GPC5: variants seen among roughly 807,000 people sequenced by gnomAD.
GPC5 encodes the protein glypican 5, also known as glypican-5.
GPC5 carries 47 observed loss-of-function variants against 53.9 expected under a neutral mutation model. That is an observed-to-expected ratio of 0.87 (90% CI 0.69 to 1.11). GPC5 has a LOEUF of 1.11. Ranked by LOEUF, GPC5 falls within the 50% of genes most tolerant of loss-of-function variation. The probability of loss-of-function intolerance (pLI) is 0.00; values close to 1 mark genes in which losing one functional copy is unlikely to be tolerated. For missense variants in GPC5, 748 were observed against 713.1 expected, an observed-to-expected ratio of 1.05 and a Z score of -0.56; for synonymous variants, 286 against 263.3, an observed-to-expected ratio of 1.09 and a Z score of -0.84.
chr13:91,823,044 C>G (rs1468491702), intron 5 of GPC5, among the ~76,000 whole-genome samples: 1 of 151,870 alleles, frequency 6.6e-6, no homozygotes, highest in African/African-American at 2.4e-5. Flanking sequence ...ATCTACTAAA[C>G]CAATGTAGAG....
At chr13:91,597,295 A>G (rs2033029275) in intron 2 of GPC5, among the ~76,000 whole-genome samples, 1 of 152,210 alleles carries the variant, frequency 6.6e-6, no homozygotes, top group Non-Finnish European at 1.5e-5. Context: ...AGTTTTCGTT[A>G]GTATAATTAA....
intron 2 of GPC5, among the ~76,000 whole-genome samples, chr13:91,586,539 T>C (rs1486262936): frequency 7.5e-5 from 3 of 40,210 alleles, no homozygotes; most frequent in African/African-American, 5.2e-4. Flanking sequence ...TATATATATA[T>C]ATATATATAT....
chr13:92,792,607 G>C (rs1876504464), intron 7 of GPC5, among the ~76,000 whole-genome samples: 1 of 152,028 alleles, frequency 6.6e-6, no homozygotes, highest in Non-Finnish European at 1.5e-5. Context: ...AAACTGGATA[G>C]TCAAGACCCA....
At chr13:91,932,208 A>G (rs571903974) in intron 6 of GPC5, among the ~76,000 whole-genome samples, 143 of 152,196 alleles carry the variant, frequency 9.4e-4, no homozygotes, top group Middle Eastern at 3.4e-3. Context: ...TTGTGCCTCA[A>G]CAAAAGAATG....
intron 5 of GPC5, among the ~76,000 whole-genome samples, chr13:91,868,308 G>T (rs535035008): frequency 6.6e-6 from 1 of 152,232 alleles, no homozygotes; most frequent in Admixed American, 6.5e-5. Flanking sequence ...ATGACCATAT[G>T]GTTGGACAAC....
chr13:92,710,781 T>C (rs1888108216), intron 7 of GPC5, among the ~76,000 whole-genome samples: 1 of 152,206 alleles, frequency 6.6e-6, no homozygotes, highest in Admixed American at 6.5e-5. Context: ...GATCAAGCTT[T>C]GTGAAACAAT....
intron 2 of GPC5, among the ~76,000 whole-genome samples, chr13:91,590,226 A>C (rs1193221141): frequency 6.6e-6 from 1 of 151,890 alleles, no homozygotes; most frequent in African/African-American, 2.4e-5. Flanking sequence ...TCAAATAAAT[A>C]TAAAATACCA....
In GPC5 at chr13:92,700,875, A is replaced by G. The variant is rs541148966; in HGVS notation, c.1562-165407A>G. ...TTTAGCTGCAAAATTTTCCATTCAG[A>G]TCATTCTCTGTCTTTGGCATCTAGT... On this transcript the variant is annotated intron_variant, in intron 7 of 7. Transcript: ENST00000377067. 1.4e-3 allele frequency among the ~76,000 whole-genome samples: 212 copies of G among 152,182 alleles called. 1 individual carries two copies. Among genetic ancestry groups the G allele is most frequent in the Non-Finnish European group, 2.3e-3 (156 of 67,970 alleles).
At chr13:91,577,505 C>T (rs1413347568) in intron 2 of GPC5, among the ~76,000 whole-genome samples, 7 of 152,152 alleles carry the variant, frequency 4.6e-5, no homozygotes, top group East Asian at 1.9e-4. Context: ...TGTTCTTCTA[C>T]GCTGCTACCT....
At chr13:92,399,623 A>G (rs1004699739) in intron 7 of GPC5, among the ~76,000 whole-genome samples, 10 of 152,148 alleles carry the variant, frequency 6.6e-5, no homozygotes, top group African/African-American at 2.4e-4. Context: ...ATTCCAGGCA[A>G]AAGGAAGGGA....
intron 6 of GPC5, among the ~76,000 whole-genome samples, chr13:91,994,169 G>A (rs545662768): frequency 3.9e-5 from 6 of 152,346 alleles, no homozygotes; most frequent in African/African-American, 7.2e-5. Context: ...GCCAGTCCTC[G>A]AAGAGGAAAA....
chr13:91,767,673 A>T (rs1216233041), intron 5 of GPC5, among the ~76,000 whole-genome samples: 1 of 152,130 alleles, frequency 6.6e-6, no homozygotes, highest in Non-Finnish European at 1.5e-5. Context: ...CCATGTGTCT[A>T]CTCAGTTTCT....
intron 2 of GPC5, among the ~76,000 whole-genome samples, chr13:91,474,479 G>A (rs1882813948): frequency 6.6e-6 from 1 of 152,036 alleles, no homozygotes; most frequent in African/African-American, 2.4e-5. Context: ...CTTTGCAGTT[G>A]AACTGAAATC....
intron 2 of GPC5, among the ~76,000 whole-genome samples, chr13:91,599,902 G>T (rs1320713929): frequency 6.6e-6 from 1 of 152,162 alleles, no homozygotes; most frequent in Non-Finnish European, 1.5e-5. Flanking sequence ...TTTATGAAAA[G>T]ATAAGCATGT....
intron 5 of GPC5, among the ~76,000 whole-genome samples, chr13:91,777,158 A>C (rs2037723517): frequency 6.6e-6 from 1 of 152,188 alleles, no homozygotes; most frequent in Admixed American, 6.5e-5. Flanking sequence ...TATTGAATAC[A>C]GACATGTTTA....
At chr13:92,845,567 G>A (rs951726894) in intron 7 of GPC5, among the ~76,000 whole-genome samples, 1 of 152,088 alleles carries the variant, frequency 6.6e-6, no homozygotes, top group Non-Finnish European at 1.5e-5. Context: ...CTACACTAGT[G>A]AGTGCAATCT....
intron 2 of GPC5, among the ~76,000 whole-genome samples, chr13:91,494,699 C>CTATT (rs1191242363): frequency 8.5e-5 from 13 of 152,160 alleles, no homozygotes; most frequent in Non-Finnish European, 1.3e-4. Flanking sequence ...CAGTAGGGGA[C>CTATT]AGGGTGATCA....
chr13:91,494,020 C>T (rs1884091203), intron 2 of GPC5, among the ~76,000 whole-genome samples: 1 of 151,822 alleles, frequency 6.6e-6, no homozygotes, highest in South Asian at 2.1e-4. Flanking sequence ...ACTACAGGCA[C>T]CCACCACCAC....
At chr13:92,108,723 A>G (rs940588967) in intron 6 of GPC5, among the ~76,000 whole-genome samples, 4 of 152,184 alleles carry the variant, frequency 2.6e-5, no homozygotes, top group African/African-American at 9.6e-5. Context: ...ATCTATATGT[A>G]GAAACATATT....
Sources: allele counts gnomAD v4.1 joint callset (sites outside exome capture counted in the v4.1 genomes callset), GRCh38; gene constraint gnomAD v4.1.1; transcripts MANE v1.5; gene names NCBI Gene and HGNC (gene_info 2026-07-23, HGNC 2026-07-21).